PLSCR1: variants seen among roughly 807,000 people sequenced by gnomAD.
PLSCR1 encodes PL scramblase 1.
A neutral mutation model predicts 37.8 loss-of-function variants in PLSCR1; 17 were observed. That is an observed-to-expected ratio of 0.45 (90% CI 0.31 to 0.68). The LOEUF (loss-of-function observed/expected upper bound fraction) is 0.68. Ranked by LOEUF, PLSCR1 falls within the 30% of genes least tolerant of loss-of-function variation. The pLI is 0.06. For synonymous variants in PLSCR1, 116 were observed against 125.9 expected (o/e 0.92, Z 0.53); for missense variants, 347 against 380.9 (o/e 0.91, Z 0.74).
chr3:146,526,183 C>CAAAAAAAAAAAAAAAA (rs60229241), intron 4 of PLSCR1, among the ~76,000 whole-genome samples: 71 of 42,654 alleles, frequency 1.7e-3, no homozygotes, highest in Admixed American at 2.0e-3. Context: ...GACTCCATCT[C>CAAAAAAAAAAAAAAAA]AAAAAAAAAA....
rs560058273 is a variant in PLSCR1 at position 146,528,692 on chromosome 3, AACTGGCTGATTATAT to A, written c.219_233del (p.Tyr74_Val78del). The A allele has an allele frequency of 2.5e-3, 4,070 of 1,614,180 alleles. 7 individuals are homozygous for A. The highest frequency in any genetic ancestry group is 3.2e-3 in the Non-Finnish European group (3,720 of 1,180,002). On this transcript the variant is annotated inframe_deletion, in exon 4 of 9. Coordinates refer to ENST00000342435, the MANE Select transcript of PLSCR1 (RefSeq NM_021105.3). ...GCATCCATGGTACCCCTGCAGCTCC[AACTGGCTGATTATAT>A]ACTGGCTGATTATACACTGGCTGAT...
intron 7 of PLSCR1, 45 bp from the exon 8 acceptor site, chr3:146,517,212 A>G: frequency 8.9e-7 from 1 of 1,126,320 alleles, no homozygotes; most frequent in Non-Finnish European, 1.2e-6. Context: ...GGAAACTTAT[A>G]GCAAAAGTAC....
chr3:146,518,347 C>CA (rs5853277), intron 7 of PLSCR1, among the ~76,000 whole-genome samples: 24,220 of 152,082 alleles, frequency 0.16, 1,952 homozygotes, highest in Middle Eastern at 0.2. Flanking sequence ...GGTTAACATG[C>CA]GCCTAAGTCA....
intron 5 of PLSCR1, among the ~76,000 whole-genome samples, chr3:146,523,901 G>A (rs2044068621): frequency 6.6e-6 from 1 of 152,202 alleles, no homozygotes; most frequent in South Asian, 2.1e-4. Context: ...ATAGATGTCA[G>A]AAGCCTGGCT....
intron 1 of PLSCR1, among the ~76,000 whole-genome samples, chr3:146,543,833 T>G (rs2044368724): frequency 6.6e-6 from 1 of 152,194 alleles, no homozygotes; most frequent in Non-Finnish European, 1.5e-5. Flanking sequence ...AGAAAGTGGC[T>G]GACAGTCCAC....
intron 1 of PLSCR1, among the ~76,000 whole-genome samples, chr3:146,539,378 T>C (rs2738918): frequency 0.27 from 41,276 of 152,140 alleles, 5,820 homozygotes; most frequent in African/African-American, 0.32. Flanking sequence ...TTGCTCACTC[T>C]CCAGCTGCTC....
intron 7 of PLSCR1, among the ~76,000 whole-genome samples, chr3:146,520,998 T>A (rs1041207794): frequency 2.0e-5 from 3 of 152,170 alleles, no homozygotes; most frequent in African/African-American, 7.2e-5. Context: ...AATATTAATA[T>A]GTTGCAGCTT....
chr3:146,535,335 A>G (rs2044252094), intron 2 of PLSCR1, among the ~76,000 whole-genome samples: 2 of 152,144 alleles, frequency 1.3e-5, no homozygotes, highest in African/African-American at 2.4e-5. Flanking sequence ...CAAAGCAATG[A>G]TTCTGATTTC....
rs181226851 is a variant in PLSCR1, at chr3:146,537,431, C to T, written c.-13-866G>A. On this transcript the variant is annotated intron_variant, in intron 1 of 8. Coordinates refer to ENST00000342435, the MANE Select transcript of PLSCR1 (RefSeq NM_021105.3). ...ACACACACTAACACAAACTGCCCATCCCCTTCCCAGGCCCACTCCAGTGCT... is the reference window on the plus strand; with the variant it reads ...ACACACACTAACACAAACTGCCCATTCCCTTCCCAGGCCCACTCCAGTGCT... Among the ~76,000 whole-genome samples the T allele has an allele frequency of 2.0e-3, 311 of 152,272 alleles. 2 individuals carry two copies. The highest frequency in any genetic ancestry group is 7.1e-3 in the African/African-American group (293 of 41,558).
At chr3:146,541,977 C>G (rs188584304) in intron 1 of PLSCR1, among the ~76,000 whole-genome samples, 1 of 152,276 alleles carries the variant, frequency 6.6e-6, no homozygotes, top group East Asian at 1.9e-4. Flanking sequence ...GCTGGTGCCT[C>G]CATACAGTCA....
chr3:146,521,263 T>C lies in PLSCR1; in HGVS notation c.738+281A>G, dbSNP rs55985056. On this transcript the variant is annotated intron_variant, in intron 7 of 8. Transcript: ENST00000342435. The stretch of plus-strand genomic sequence containing the variant: ...TCTGTTTAAAATGGATAATATACAG[T>C]GTCATCACATAGAAACCACCACGTT... Among the ~76,000 whole-genome samples the C allele has an allele frequency of 4.0e-3, 615 of 152,294 alleles. 7 individuals are homozygous for C. The highest frequency in any genetic ancestry group is 0.013 in the African/African-American group (551 of 41,568).
intron 4 of PLSCR1, among the ~76,000 whole-genome samples, chr3:146,526,757 T>C (rs76605392): frequency 0.027 from 4,143 of 152,228 alleles, 84 homozygotes; most frequent in Middle Eastern, 0.095. Context: ...CTAAGGGACA[T>C]TATGTTAAGT....
At chr3:146,527,789 G>C (rs1010131450) in intron 4 of PLSCR1, among the ~76,000 whole-genome samples, 7 of 152,272 alleles carry the variant, frequency 4.6e-5, no homozygotes, top group African/African-American at 1.7e-4. Context: ...TTTATGAAAT[G>C]AAAACTGGTT....
chr3:146,541,433 T>C (rs2044337166), intron 1 of PLSCR1, among the ~76,000 whole-genome samples: 1 of 152,146 alleles, frequency 6.6e-6, no homozygotes, highest in Non-Finnish European at 1.5e-5. Flanking sequence ...CCTCACAAAT[T>C]TGCTTCCTTT....
intron 1 of PLSCR1, among the ~76,000 whole-genome samples, chr3:146,539,606 G>A (rs1882973): frequency 0.27 from 41,316 of 152,116 alleles, 5,840 homozygotes; most frequent in African/African-American, 0.32. Flanking sequence ...CAGAAATACC[G>A]GAAAGGAAAA....
chr3:146,532,833 AT>A, intron 3 of PLSCR1, among the ~76,000 whole-genome samples: 1 of 152,204 alleles, frequency 6.6e-6, no homozygotes, highest in South Asian at 2.1e-4. Flanking sequence ...TCTTTCAGGC[AT>A]TGGTTGAAAA....
rs2044334519 is a variant in PLSCR1, at chr3:146,541,224, C to A, written c.-14+3243G>T. The A allele has an allele frequency of 2.0e-5, 3 of 152,172 alleles. No homozygotes were observed. In the South Asian group the frequency reaches 6.2e-4, roughly 32 times the overall value. The allele number at this position is 152,172 out of a possible 1,614,324, so 9.4% of individuals were successfully genotyped here. ...TATGCTTAAAACCAGTTTAGGATAG[C>A]CTTTTATAGCATTTTATATTAAACC... is the stretch of plus-strand genomic sequence containing the variant. On this transcript the variant is annotated intron_variant, in intron 1 of 8. Transcript: ENST00000342435.
At chr3:146,520,652 C>G (rs2044006574) in intron 7 of PLSCR1, among the ~76,000 whole-genome samples, 1 of 151,964 alleles carries the variant, frequency 6.6e-6, no homozygotes, top group African/African-American at 2.4e-5. Flanking sequence ...AATAAAATAC[C>G]ATGTGATTAA....
chr3:146,517,387 A>C (rs1015205772), intron 7 of PLSCR1: 1 of 255,018 alleles, frequency 3.9e-6, no homozygotes, highest in African/African-American at 2.2e-5. Flanking sequence ...TGAAATATTT[A>C]ACAATTTCTA....
Sources: allele counts gnomAD v4.1 joint callset (sites outside exome capture counted in the v4.1 genomes callset), GRCh38; gene constraint gnomAD v4.1.1; transcripts MANE v1.5; gene names NCBI Gene and HGNC (gene_info 2026-07-23, HGNC 2026-07-21).